Variants in SLIT1 observed in about 807,000 individuals in gnomAD.
SLIT1 encodes the protein slit guidance ligand 1, also known as slit homolog 1 protein.
A neutral mutation model predicts 186.1 loss-of-function variants in SLIT1; 66 were observed. The observed-to-expected ratio is 0.35, with a 90% CI of 0.29 to 0.44. The LOEUF is 0.44. SLIT1 is among the 20% of genes least tolerant of loss of function. The probability of loss-of-function intolerance (pLI) is 1.00; values close to 1 mark genes in which losing one functional copy is unlikely to be tolerated. For synonymous variants in SLIT1, 761 were observed against 833.8 expected, an observed-to-expected ratio of 0.91 and a Z score of 1.50; for missense variants, 1,638 against 2,037.4, an observed-to-expected ratio of 0.80 and a Z score of 3.77.
At chr10:97,162,531 T>C (rs1850042731) in intron 3 of SLIT1, among the ~76,000 whole-genome samples, 1 of 152,170 alleles carries the variant, frequency 6.6e-6, no homozygotes, top group Non-Finnish European at 1.5e-5. Context: ...GGGAATCGCT[T>C]GAACCCGGGA....
intron 4 of SLIT1, chr10:97,102,407 T>C (rs572714397): frequency 8.6e-6 from 1 of 116,190 alleles, no homozygotes; most frequent in African/African-American, 3.5e-5. Context: ...GGCAACAGAA[T>C]GAGTAAGACT....
rs369690643 is a variant in SLIT1 at position 97,068,860 on chromosome 10, C to T, written c.414-2774G>A. Among the ~76,000 whole-genome samples, 46 of 152,342 alleles carry T rather than the reference C, an allele frequency of 3.0e-4. No individual in the cohort carries two copies. Among genetic ancestry groups the T allele is most frequent in the African/African-American group, 1.0e-3 (43 of 41,576 alleles). On this transcript the variant is annotated intron_variant, in intron 4 of 36. Coordinates refer to ENST00000266058, the MANE Select transcript of SLIT1 (RefSeq NM_003061.3). This position sits in a 1 kb window ranked among gnomAD's most constrained non-coding sequence, Gnocchi z 4.2. Reference sequence around the variant, plus strand: ...AGAGGGCCCCCAGTGGCCTACTCCCCGATGCCTGTCTTTATGCAGCAACTC... The same window carrying T: ...AGAGGGCCCCCAGTGGCCTACTCCCTGATGCCTGTCTTTATGCAGCAACTC...
intron 13 of SLIT1, 144 bp from the exon 14 acceptor site, chr10:97,049,262 G>C: frequency 1.1e-6 from 1 of 940,678 alleles, no homozygotes. Context: ...GGGAAAGAGA[G>C]AGTGGGGTGA....
In SLIT1 at chr10:97,021,624, G is replaced by A. The variant is rs192479288; in HGVS notation, c.2583-211C>T. ...GTCGCCCAGGCTGGAGTGCAGTGGC[G>A]TAATATCAGCTCACTGCAACCTCTG... is the stretch of plus-strand genomic sequence containing the variant. On this transcript the variant is annotated intron_variant, in intron 25 of 36. Transcript: ENST00000266058. This position sits in a 1 kb window ranked among gnomAD's most constrained non-coding sequence, Gnocchi z 4.5. Among the ~76,000 whole-genome samples, 13 of 151,252 alleles carry A rather than the reference G, an allele frequency of 8.6e-5. No homozygotes were observed. Among genetic ancestry groups the A allele is most frequent in the African/African-American group, 2.7e-4 (11 of 41,100 alleles).
chr10:97,026,626 C>T (rs1848548575), intron 25 of SLIT1, among the ~76,000 whole-genome samples: 1 of 152,140 alleles, frequency 6.6e-6, no homozygotes, highest in South Asian at 2.1e-4. Context: ...TCTAGCTTTC[C>T]AGCCTACAGC....
At chr10:97,173,896 G>C (rs368697800) in intron 1 of SLIT1, among the ~76,000 whole-genome samples, 1 of 152,318 alleles carries the variant, frequency 6.6e-6, no homozygotes, top group Admixed American at 6.5e-5. Flanking sequence ...CCTTGGCCCA[G>C]GGGGTAGAAG....
intron 4 of SLIT1, among the ~76,000 whole-genome samples, chr10:97,156,865 C>T (rs1326359015): frequency 6.6e-6 from 1 of 152,046 alleles, no homozygotes; most frequent in African/African-American, 2.4e-5. Flanking sequence ...CAGGGACGAA[C>T]CAGTAGTGCT....
chr10:97,064,088 AC>A, intron 7 of SLIT1, 79 bp downstream of exon 7: 1 of 1,198,122 alleles, frequency 8.3e-7, no homozygotes, highest in Non-Finnish European at 1.2e-6. Context: ...TGTCTGCAAA[AC>A]CTTCACCTCC....
Position 97,011,045 on chromosome 10 carries a change from G to T in SLIT1, c.3289C>A (p.Gln1097Lys). 1.2e-6 allele frequency: 2 copies of T among 1,613,988 alleles called. No homozygotes were observed. Among genetic ancestry groups the T allele is most frequent in the East Asian group, 4.5e-5 (2 of 44,882 alleles). Residue 1097 changes from glutamine to lysine, a missense_variant, in exon 31 of 37, where the codon CAG (glutamine) becomes AAG (lysine). By Grantham distance (53) the Gln-to-Lys change is moderately conservative (BLOSUM62 1). Around this residue, in one of 3 missense-constraint regions of SLIT1, gnomAD observed 1,245 missense variants for 1,535.3 expected, o/e 0.81. Coordinates refer to ENST00000266058, the MANE Select transcript of SLIT1 (RefSeq NM_003061.3). Reference protein sequence around the residue: ...CRDHRCQNGAQCMDEVNSYSC... With the variant: ...CRDHRCQNGAKCMDEVNSYSC... ...TAGCTGTTGACTTCATCCATACACT[G>T]GGCCCCATTCTGGCAGCGGTGGTCC...
chr10:97,031,782 C>CACAGAGCCCGA, intron 23 of SLIT1, 105 bp from the exon 24 acceptor site: 1 of 871,758 alleles, frequency 1.1e-6, no homozygotes, highest in Non-Finnish European at 1.8e-6. Context: ...GCAGCCTCCT[C>CACAGAGCCCGA]GGGCTCTGTG....
rs781351820 is a variant in SLIT1 at position 97,006,199 on chromosome 10, G to A, written c.3579+284C>T. ...GAGGCAGACACTGAGGAGTAGCTGG[G>A]ACAAGAAATGGTGGGAAGGGATGAT... is the stretch of plus-strand genomic sequence containing the variant. On this transcript the variant is annotated intron_variant, in intron 32 of 36. Transcript: ENST00000266058. The surrounding 1 kb of genome is among the most constrained non-coding windows in gnomAD (Gnocchi z 4.0). Among the ~76,000 whole-genome samples, 9 of 152,176 alleles carry A rather than the reference G, an allele frequency of 5.9e-5. No homozygotes were observed. Among genetic ancestry groups the A allele is most frequent in the Non-Finnish European group, 1.2e-4 (8 of 68,034 alleles).
intron 4 of SLIT1, among the ~76,000 whole-genome samples, chr10:97,129,130 G>A (rs566788252): frequency 5.9e-5 from 9 of 152,202 alleles, no homozygotes; most frequent in South Asian, 4.2e-4. Context: ...GGCCGGGTGC[G>A]GTGGCTCACG....
rs1433961920 is a variant in SLIT1 at position 97,068,459 on chromosome 10, T to C, written c.414-2373A>G. Among the ~76,000 whole-genome samples the C allele has an allele frequency of 1.3e-5, 2 of 151,952 alleles. No individual in the cohort carries two copies. Among genetic ancestry groups the C allele is most frequent in the African/African-American group, 4.8e-5 (2 of 41,354 alleles). ...CCCTCTGTCCTGTCCCCTCACAGCC[T>C]TTAGAAAAGCAGCCAGGCACCCGTG... On this transcript the variant is annotated intron_variant, in intron 4 of 36. Transcript: ENST00000266058. The surrounding 1 kb of genome is among the most constrained non-coding windows in gnomAD (Gnocchi z 4.2).
chr10:97,029,725 C>T (rs1848575354), intron 25 of SLIT1, among the ~76,000 whole-genome samples: 3 of 152,310 alleles, frequency 2.0e-5, no homozygotes, highest in South Asian at 4.1e-4. Flanking sequence ...TCACCACTAC[C>T]TATTTCCAAA....
At chr10:97,095,011 A>G (rs1378481340) in intron 4 of SLIT1, among the ~76,000 whole-genome samples, 1 of 152,194 alleles carries the variant, frequency 6.6e-6, no homozygotes, top group African/African-American at 2.4e-5. Context: ...GGCCAGGTGC[A>G]GTGGCTCATG....
At chr10:97,126,977 C>T (rs184518409) in intron 4 of SLIT1, among the ~76,000 whole-genome samples, 25 of 152,310 alleles carry the variant, frequency 1.6e-4, no homozygotes, top group Admixed American at 1.6e-3. Flanking sequence ...CTCCTCCCAT[C>T]TACGCCATTC....
chr10:97,063,297 T>G (rs1589379487), intron 8 of SLIT1, among the ~76,000 whole-genome samples, 158 bp downstream of exon 8: 1 of 139,020 alleles, frequency 7.2e-6, no homozygotes, highest in Non-Finnish European at 1.6e-5. Context: ...GGTCAGGAGG[T>G]GATGGGCAGG....
intron 6 of SLIT1, among the ~76,000 whole-genome samples, chr10:97,064,520 G>C (rs1015852280): frequency 1.3e-5 from 2 of 152,196 alleles, no homozygotes; most frequent in African/African-American, 4.8e-5. Flanking sequence ...GCTTGGGTTG[G>C]CTTGGAAGAA....
At chr10:97,045,926 A>G (rs1848729736) in intron 18 of SLIT1, among the ~76,000 whole-genome samples, 1 of 152,220 alleles carries the variant, frequency 6.6e-6, no homozygotes, top group African/African-American at 2.4e-5. Flanking sequence ...ATTTAGATTT[A>G]AATGCATTAA....
Sources: allele counts gnomAD v4.1 joint callset (sites outside exome capture counted in the v4.1 genomes callset), GRCh38; gene constraint gnomAD v4.1.1; regional missense constraint gnomAD v4.1.1; non-coding constraint Gnocchi (gnomAD v3.1); transcripts MANE v1.5; gene names NCBI Gene and HGNC (gene_info 2026-07-23, HGNC 2026-07-21).